Variants in OR5V1 observed in about 807,000 individuals in gnomAD.
OR5V1 encodes olfactory receptor family 5 subfamily V member 1.
For synonymous variants in OR5V1, 134 were observed against 143.2 expected (o/e 0.94, Z 0.46); for missense variants, 365 against 371.5 (o/e 0.98, Z 0.14).
At position 29,354,923 on chromosome 6, in the gene OR5V1, T is replaced by C. The variant is rs1718322843; in HGVS notation, c.*307A>G. ...ACATTATTTAATATACAGAAAGCAA[T>C]ATGAAAAAGCAGGGAAATTTTCAAG... On this transcript the variant is annotated 3_prime_UTR_variant, in exon 2 of 2. Transcript: ENST00000641768. 1 of 269,712 alleles carries C rather than the reference T, an allele frequency of 3.7e-6. No individual in the cohort carries two copies. The highest frequency in any genetic ancestry group is 1.6e-4 in the South Asian group (1 of 6,412). 16.7% of individuals were successfully genotyped at this position (269,712 alleles called of 1,614,324 possible). A position where few individuals can be genotyped will look rare whatever the true frequency, so the allele number is the denominator to read the frequency against.
Position 29,355,365 on chromosome 6 carries a change from C to T in OR5V1, c.831G>A (p.Leu277=), listed in dbSNP as rs199963473. ...SLKKDRLVSV[L]YSVVTPMLNP... ...TTAGCATGGGGGTAACAACACTGTA[C>T]AACACTGAAACCAACCTATCTTTCT... Residue 277 remains leucine (L), a synonymous_variant, in exon 2 of 2, where the codon TTG becomes TTA. Transcript: ENST00000641768. 7.6e-5 allele frequency: 122 copies of T among 1,613,968 alleles called. No individual in the cohort carries two copies. The East Asian group carries it at 2.3e-3, about 30-fold the overall frequency.
chr6:29,356,060 T>C lies in OR5V1; in HGVS notation c.136A>G (p.Ile46Val), dbSNP rs140207308. The C allele has an allele frequency of 3.8e-4, 616 of 1,613,880 alleles. 3 individuals are homozygous for C. The African/African-American group carries it at 7.3e-3, about 19-fold the overall frequency. Residue 46 changes from isoleucine to valine, a missense_variant, in exon 2 of 2, where the codon ATC becomes GTC. Physicochemically the swap from Ile to Val is conservative, Grantham distance 29. Coordinates refer to ENST00000641768, the MANE Select transcript of OR5V1 (RefSeq NM_030876.6). ...FCTLGGNILI[I>V]LTTVTDPHLH... The stretch of plus-strand genomic sequence containing the variant: ...TGTGGATCAGTCACAGTCGTCAAGA[T>C]AATTAATATATTTCCTCCCAAAGTA...
At chr6:29,367,955 G>A (rs1326958532) in intron 1 of OR5V1, among the ~76,000 whole-genome samples, 3 of 152,106 alleles carry the variant, frequency 2.0e-5, no homozygotes, top group Non-Finnish European at 4.4e-5. Flanking sequence ...AAGAGCTCAA[G>A]AATGGCCTCT....
intron 1 of OR5V1, among the ~76,000 whole-genome samples, chr6:29,365,539 A>C (rs764301440): frequency 3.3e-5 from 5 of 152,230 alleles, no homozygotes; most frequent in Non-Finnish European, 5.9e-5. Flanking sequence ...TGTGGCCAAC[A>C]AACATATGAA....
intron 1 of OR5V1, among the ~76,000 whole-genome samples, chr6:29,356,764 T>A (rs977476318): frequency 2.6e-5 from 4 of 151,932 alleles, no homozygotes; most frequent in African/African-American, 7.3e-5. Flanking sequence ...CCAGAGAAAA[T>A]CTCTATTAAT....
chr6:29,362,620 A>G (rs574976614), intron 1 of OR5V1, among the ~76,000 whole-genome samples: 1 of 152,376 alleles, frequency 6.6e-6, no homozygotes, highest in Non-Finnish European at 1.5e-5. Context: ...ATTAGAACTC[A>G]GCATTAAGAA....
At chr6:29,360,627 G>A (rs370751974) in intron 1 of OR5V1, among the ~76,000 whole-genome samples, 1 of 152,174 alleles carries the variant, frequency 6.6e-6, no homozygotes, top group East Asian at 1.9e-4. Context: ...GTGATACTCA[G>A]GCAAATAGGG....
chr6:29,368,380 C>G (rs1778963522), intron 1 of OR5V1, among the ~76,000 whole-genome samples: 1 of 152,084 alleles, frequency 6.6e-6, no homozygotes, highest in Non-Finnish European at 1.5e-5. Flanking sequence ...GGCAAACCAG[C>G]AGAGGGCTAT....
intron 1 of OR5V1, among the ~76,000 whole-genome samples, chr6:29,358,865 AT>A (rs1320973122): frequency 1.3e-5 from 2 of 152,182 alleles, no homozygotes; most frequent in African/African-American, 4.8e-5. Context: ...GTAACTTCTA[AT>A]GATTTATTGT....
chr6:29,364,797 C>CAAAAAAAAA (rs9280595), intron 1 of OR5V1, among the ~76,000 whole-genome samples: 314 of 3,224 alleles, frequency 0.097, 84 homozygotes, highest in Non-Finnish European at 0.13. Context: ...GACTCCGTCT[C>CAAAAAAAAA]AAAAAAAAAA....
intron 1 of OR5V1, among the ~76,000 whole-genome samples, chr6:29,357,225 T>A (rs1778359565): frequency 6.6e-6 from 1 of 152,162 alleles, no homozygotes. Context: ...ATGCTGATAA[T>A]CTCTGAGCAC....
At chr6:29,357,583 G>A (rs2151271966) in intron 1 of OR5V1, among the ~76,000 whole-genome samples, 1 of 152,234 alleles carries the variant, frequency 6.6e-6, no homozygotes, top group Non-Finnish European at 1.5e-5. Context: ...TGCTATGCCT[G>A]CAGTGTTTTG....
At chr6:29,359,702 C>T (rs1778477538) in intron 1 of OR5V1, among the ~76,000 whole-genome samples, 4 of 152,178 alleles carry the variant, frequency 2.6e-5, no homozygotes, top group Admixed American at 2.6e-4. Flanking sequence ...GTGCAAGGAG[C>T]TTCCCCAGCC....
chr6:29,364,870 A>G (rs1778773895), intron 1 of OR5V1, among the ~76,000 whole-genome samples: 1 of 149,700 alleles, frequency 6.7e-6, no homozygotes. Context: ...ACTAGACTAC[A>G]AGGCTACAGT....
intron 1 of OR5V1, among the ~76,000 whole-genome samples, chr6:29,363,344 G>A (rs1453146428): frequency 6.6e-6 from 1 of 152,118 alleles, no homozygotes; most frequent in East Asian, 1.9e-4. Context: ...GGATCTGATG[G>A]ATTCATGGCT....
chr6:29,355,887 T>G lies in OR5V1; in HGVS notation c.309A>C (p.Ala103=). 6.2e-7 allele frequency: 1 copy of G among 1,613,962 alleles called. No individual in the cohort carries two copies. The highest frequency in any genetic ancestry group is 8.5e-7 in the Non-Finnish European group (1 of 1,179,946). The stretch of plus-strand genomic sequence containing the variant: ...ACTCTGATCCTACAAAGAAAACAAA[T>G]GCAAAAAGTTGAACCACACACCCCA... ...SYVGCVVQLF[A]FVFFVGSECL... Residue 103 remains alanine (A), a synonymous_variant, in exon 2 of 2, where the codon GCA becomes GCC. Coordinates refer to ENST00000641768, the MANE Select transcript of OR5V1 (RefSeq NM_030876.6).
chr6:29,367,326 T>C (rs918658150), intron 1 of OR5V1, among the ~76,000 whole-genome samples: 65 of 151,742 alleles, frequency 4.3e-4, no homozygotes, highest in African/African-American at 1.5e-3. Context: ...ACATACTTAT[T>C]TGTGTGACAT....
intron 1 of OR5V1, among the ~76,000 whole-genome samples, chr6:29,358,239 C>G (rs374851658): frequency 1.6e-4 from 24 of 152,126 alleles, no homozygotes; most frequent in African/African-American, 5.8e-4. Context: ...CTCTATCTCC[C>G]CTTTCATCTT....
chr6:29,355,445 A>G lies in OR5V1; in HGVS notation c.751T>C (p.Phe251Leu), dbSNP rs1462276288. 2 of 1,614,062 alleles carry G rather than the reference A, an allele frequency of 1.2e-6. No homozygotes were observed. Among genetic ancestry groups the G allele is most frequent in the Admixed American group, 1.7e-5 (1 of 59,986 alleles). Reference protein sequence around the residue: ...CASHLAIVFLFYGSAIFTYVR... With the variant: ...CASHLAIVFLLYGSAIFTYVR... Reference sequence around the variant, plus strand: ...TATGTAAAGATGGCGCTGCCATAAAAGAGAAAGACAATGGCCAGGTGGGAG... The same window carrying G: ...TATGTAAAGATGGCGCTGCCATAAAGGAGAAAGACAATGGCCAGGTGGGAG... The change falls in exon 2 of 2, where the codon TTT (phenylalanine) becomes CTT (leucine). Residue 251 changes from phenylalanine to leucine, a missense_variant. Physicochemically the swap from Phe to Leu is conservative, Grantham distance 22. Coordinates refer to ENST00000641768, the MANE Select transcript of OR5V1 (RefSeq NM_030876.6).
Sources: allele counts gnomAD v4.1 joint callset (sites outside exome capture counted in the v4.1 genomes callset), GRCh38; gene constraint gnomAD v4.1.1; transcripts MANE v1.5; gene names NCBI Gene and HGNC (gene_info 2026-07-23, HGNC 2026-07-21).